Variants in SATB2 observed in about 807,000 individuals in gnomAD.
The protein encoded by SATB2 is SATB homeobox 2, also known as DNA-binding protein SATB2.
A neutral mutation model predicts 73.4 loss-of-function variants in SATB2; 1 was observed. The ratio of observed to expected loss-of-function variants is 0.01; its 90% CI spans 0.00 to 0.06. The LOEUF is 0.06. Ranked by LOEUF, SATB2 falls within the 10% of genes least tolerant of loss-of-function variation. The probability of loss-of-function intolerance (pLI) is 1.00; values close to 1 mark genes in which losing one functional copy is unlikely to be tolerated. For missense variants in SATB2, 459 were observed against 945.8 expected, an observed-to-expected ratio of 0.49 and a Z score of 6.75; for synonymous variants, 397 against 367.0, an observed-to-expected ratio of 1.08 and a Z score of -0.93.
intron 3 of SATB2, among the ~76,000 whole-genome samples, chr2:199,388,062 T>C (rs1300377947): frequency 6.6e-6 from 1 of 152,054 alleles, no homozygotes; most frequent in Non-Finnish European, 1.5e-5. Flanking sequence ...AACAAAAGAG[T>C]GGTGATAATA....
intron 3 of SATB2, among the ~76,000 whole-genome samples, chr2:199,398,246 G>A (rs768403028): frequency 6.6e-6 from 1 of 152,132 alleles, no homozygotes; most frequent in Non-Finnish European, 1.5e-5. Context: ...TACTGCAGTA[G>A]AAAGAAAAAA....
intron 3 of SATB2, among the ~76,000 whole-genome samples, chr2:199,420,302 T>A (rs1691126176): frequency 6.6e-6 from 1 of 152,226 alleles, no homozygotes; most frequent in Admixed American, 6.5e-5. Context: ...GCTCTATGTT[T>A]CCTAGCATTA....
chr2:199,421,280 A>T (rs1279716301), intron 3 of SATB2, among the ~76,000 whole-genome samples: 1 of 152,200 alleles, frequency 6.6e-6, no homozygotes. Flanking sequence ...AGACAGAGAG[A>T]TGCTTATCTC....
rs1282680521 is a variant in SATB2, at chr2:199,323,777, A to T, written c.1542+26T>A. 1.9e-6 allele frequency: 3 copies of T among 1,612,038 alleles called. No individual in the cohort carries two copies. In the South Asian group the frequency reaches 3.3e-5, roughly 18 times the overall value. ...GAGAAGGATCTAATTCCAGCCCTCGATTTTGCTTTTTTAAAAACCACTCAC... is the reference window on the plus strand; with the variant it reads ...GAGAAGGATCTAATTCCAGCCCTCGTTTTTGCTTTTTTAAAAACCACTCAC... On this transcript the variant is annotated intron_variant, in intron 9 of 10. Transcript: ENST00000417098.
chr2:199,421,235 G>A (rs1047023526), intron 3 of SATB2, among the ~76,000 whole-genome samples: 4 of 152,266 alleles, frequency 2.6e-5, no homozygotes, highest in Admixed American at 1.3e-4. Context: ...ATGAAAAGAA[G>A]CTGGGTCACG....
At chr2:199,320,888 A>G (rs1284405152) in intron 9 of SATB2, among the ~76,000 whole-genome samples, 2 of 152,038 alleles carry the variant, frequency 1.3e-5, no homozygotes, top group East Asian at 1.9e-4. Flanking sequence ...GTGTTAATGG[A>G]GGGGTCATAT....
intron 3 of SATB2, among the ~76,000 whole-genome samples, chr2:199,395,617 G>T (rs919884475): frequency 6.6e-6 from 1 of 152,066 alleles, no homozygotes; most frequent in African/African-American, 2.4e-5. Context: ...GATGTTCTAA[G>T]AACTGTAAGA....
intron 7 of SATB2, among the ~76,000 whole-genome samples, chr2:199,341,015 GCTT>G (rs1688491603): frequency 6.6e-6 from 1 of 152,136 alleles, no homozygotes; most frequent in South Asian, 2.1e-4. Context: ...ATGAAATCAT[GCTT>G]ATTATAGGTC....
chr2:199,408,749 A>G (rs1335324246), intron 3 of SATB2, among the ~76,000 whole-genome samples: 1 of 137,540 alleles, frequency 7.3e-6, no homozygotes, highest in African/African-American at 3.6e-5. Context: ...TTGTAGAAAA[A>G]GAACTATATC....
chr2:199,276,993 T>C (rs760479835), intron 10 of SATB2, among the ~76,000 whole-genome samples: 26 of 152,166 alleles, frequency 1.7e-4, no homozygotes, highest in Middle Eastern at 3.2e-3. Context: ...AAATGAACTA[T>C]TGCTATATAC....
At chr2:199,342,442 A>AG (rs1480360025) in intron 7 of SATB2, among the ~76,000 whole-genome samples, 2 of 151,680 alleles carry the variant, frequency 1.3e-5, no homozygotes. Context: ...AAAAAAAAAA[A>AG]GAGTGGTGAT....
rs1210382455 is a variant in SATB2 at position 199,326,936 on chromosome 2, T to C, written c.1386+1762A>G. Among the ~76,000 whole-genome samples, 5 of 152,188 alleles carry C rather than the reference T, an allele frequency of 3.3e-5. No homozygotes were observed. In the East Asian group the frequency reaches 9.6e-4, roughly 29 times the overall value. ...AGAAAGTAATCTTCAATTAAAAGTT[T>C]ATTGCAGAGTACAAAAATATAAAAA... On this transcript the variant is annotated intron_variant, in intron 8 of 10. Transcript: ENST00000417098.
chr2:199,386,331 C>A (rs962716971), intron 3 of SATB2, among the ~76,000 whole-genome samples: 2 of 152,114 alleles, frequency 1.3e-5, no homozygotes, highest in African/African-American at 2.4e-5. Context: ...TTGAGATGCT[C>A]AACCGGTACT....
chr2:199,291,993 T>G (rs1044608284), intron 10 of SATB2, among the ~76,000 whole-genome samples: 2 of 152,020 alleles, frequency 1.3e-5, no homozygotes, highest in South Asian at 4.2e-4. Context: ...TTCCAAACTT[T>G]CTATTTCTGA....
In SATB2 at chr2:199,463,824, C is replaced by A. The variant is rs1314023935; in HGVS notation, c.-141+1012G>T. ...AGCCCAAGATAGCACCCGGTCCGCACCCCAAATTTCAGGCAGGCCAGCAGG... is the reference window on the plus strand; with the variant it reads ...AGCCCAAGATAGCACCCGGTCCGCAACCCAAATTTCAGGCAGGCCAGCAGG... On this transcript the variant is annotated intron_variant, in intron 1 of 11. Coordinates refer to the SATB2 transcript ENST00000260926. This position sits in a 1 kb window ranked among gnomAD's most constrained non-coding sequence, Gnocchi z 6.4. Among the ~76,000 whole-genome samples, 1 of 152,228 alleles carries A rather than the reference C, an allele frequency of 6.6e-6. No homozygotes were observed. The highest frequency in any genetic ancestry group is 1.5e-5 in the Non-Finnish European group (1 of 68,048).
chr2:199,278,328 C>T (rs1692380469), intron 10 of SATB2, among the ~76,000 whole-genome samples: 1 of 152,204 alleles, frequency 6.6e-6, no homozygotes, highest in Admixed American at 6.5e-5. Flanking sequence ...AGCCACTAGC[C>T]ACATGTGGGT....
rs1041889208 is a variant in SATB2, at chr2:199,270,631, T to G, written c.*1580A>C. 6.6e-6 allele frequency: 1 copy of G among 152,236 alleles called. No individual in the cohort carries two copies. Among genetic ancestry groups the G allele is most frequent in the Non-Finnish European group, 1.5e-5 (1 of 68,036 alleles). The allele number at this position is 152,236 out of a possible 1,614,324, so 9.4% of individuals were successfully genotyped here. ...CTCTTGCAATTACTGTAAGTAGAAG[T>G]GGAAAGTAATGCTTCTGGTGTTTCT... On this transcript the variant is annotated 3_prime_UTR_variant, in exon 11 of 11. Transcript: ENST00000417098.
intron 9 of SATB2, among the ~76,000 whole-genome samples, chr2:199,314,859 G>T (rs1321665025): frequency 4.6e-5 from 7 of 152,058 alleles, no homozygotes; most frequent in East Asian, 3.8e-4. Context: ...ACATGATGAA[G>T]AATTAACTCG....
At chr2:199,407,984 G>A (rs1020087939) in intron 3 of SATB2, among the ~76,000 whole-genome samples, 12 of 152,140 alleles carry the variant, frequency 7.9e-5, no homozygotes, top group African/African-American at 2.9e-4. Context: ...CCATGATCCT[G>A]TCCTTTTATC....
Sources: allele counts gnomAD v4.1 joint callset (sites outside exome capture counted in the v4.1 genomes callset), GRCh38; gene constraint gnomAD v4.1.1; non-coding constraint Gnocchi (gnomAD v3.1); transcripts MANE v1.5; gene names NCBI Gene and HGNC (gene_info 2026-07-23, HGNC 2026-07-21).